The following EFCAB7 variants were observed in gnomAD, a reference collection of about 807,000 sequenced individuals.
EFCAB7 encodes the protein EF-hand calcium binding domain 7.
EFCAB7 carries 66 observed loss-of-function variants against 77.1 expected under a neutral mutation model. That is an observed-to-expected ratio of 0.86 (90% CI 0.70 to 1.05). EFCAB7 has a LOEUF of 1.05. EFCAB7 is among the 50% of genes least tolerant of loss of function. The probability of loss-of-function intolerance (pLI) is 0.00; values close to 1 mark genes in which losing one functional copy is unlikely to be tolerated. For missense variants in EFCAB7, 638 were observed against 730.5 expected (o/e 0.87, Z 1.46); for synonymous variants, 225 against 243.3 (o/e 0.92, Z 0.70).
At chr1:63,530,954 G>T (rs368113124) in intron 2 of EFCAB7, among the ~76,000 whole-genome samples, 3 of 152,186 alleles carry the variant, frequency 2.0e-5, no homozygotes, top group Admixed American at 6.5e-5. Context: ...ATCAAATCAA[G>T]GTAGTTAGTA....
chr1:63,579,042 T>C, the EFCAB7 span, among the ~76,000 whole-genome samples: 5 of 149,732 alleles, frequency 3.3e-5, no homozygotes, highest in South Asian at 1.0e-3. Context: ...TTATTTCAGA[T>C]AAAAAAAAAA....
chr1:63,573,056 G>A (rs1375264023), downstream of EFCAB7, among the ~76,000 whole-genome samples: 1 of 152,146 alleles, frequency 6.6e-6, no homozygotes, highest in East Asian at 1.9e-4. Context: ...GTACGTGCAG[G>A]TCACGGGGGA....
Position 63,557,238 on chromosome 1 carries a change from G to A in EFCAB7, c.1339G>A (p.Val447Ile). The A allele has an allele frequency of 6.2e-7, 1 of 1,603,306 alleles. No homozygotes were observed. The highest frequency in any genetic ancestry group is 1.1e-5 in the South Asian group (1 of 88,170). ...GAAATGTGATGAAGATGCTTGGGCTGTCTGCAGAGGTAAGCACTTTTCTTT... is the reference window on the plus strand; with the variant it reads ...GAAATGTGATGAAGATGCTTGGGCTATCTGCAGAGGTAAGCACTTTTCTTT... ...GEKCDEDAWA[V>I]CRENFDTKRN... The change falls in exon 10 of 14, where the codon GTC becomes ATC. Residue 447 changes from valine to isoleucine, a missense_variant. Coordinates refer to ENST00000371088, the MANE Select transcript of EFCAB7 (RefSeq NM_032437.4).
chr1:63,525,608 C>G lies in EFCAB7; in HGVS notation c.36C>G (p.Ser12=), dbSNP rs746562030. Residue 12 remains serine (S), a synonymous_variant, in exon 2 of 14, where the codon TCC becomes TCG. Transcript: ENST00000371088. ...AISPRSDATF[S]SQKSTPSESP... ...GTCCACGAAGCGATGCAACTTTCTC[C>G]AGTCAGAAATCAACACCTTCAGAGA... is the stretch of plus-strand genomic sequence containing the variant. 5 of 1,573,280 alleles carry G rather than the reference C, an allele frequency of 3.2e-6. No individual in the cohort carries two copies. The South Asian group carries it at 4.8e-5, about 15-fold the overall frequency.
chr1:63,549,224 T>G, intron 7 of EFCAB7: 1 of 405,526 alleles, frequency 2.5e-6, no homozygotes, highest in Non-Finnish European at 4.9e-6. Context: ...GACATGAGAT[T>G]AAGGTTTAAT....
downstream of EFCAB7, among the ~76,000 whole-genome samples, chr1:63,574,342 A>C (rs1299137219): frequency 6.6e-6 from 1 of 152,158 alleles, no homozygotes; most frequent in African/African-American, 2.4e-5. Context: ...TGAAATGATG[A>C]CAGAATAGAA....
In EFCAB7 at chr1:63,540,793, G is replaced by T. The variant is rs1356764643; in HGVS notation, c.805-5123G>T. Among the ~76,000 whole-genome samples, 5 of 152,108 alleles carry T rather than the reference G, an allele frequency of 3.3e-5. No homozygotes were observed. In the South Asian group the frequency reaches 8.3e-4, roughly 25 times the overall value. On this transcript the variant is annotated intron_variant, in intron 6 of 13. Coordinates refer to ENST00000371088, the MANE Select transcript of EFCAB7 (RefSeq NM_032437.4). The stretch of plus-strand genomic sequence containing the variant: ...ATACCCCAAAGGTGTGACAGTGCAG[G>T]TGATTAATGACTGACTGAAAGCTTG...
chr1:63,582,257 G>A, the EFCAB7 span, among the ~76,000 whole-genome samples: 1 of 152,230 alleles, frequency 6.6e-6, no homozygotes, highest in Non-Finnish European at 1.5e-5. Flanking sequence ...AGTGACATTA[G>A]TGATGCCGGA....
At position 63,537,416 on chromosome 1, in the gene EFCAB7, A is replaced by T. The variant is rs950513135; in HGVS notation, c.804+3200A>T. On this transcript the variant is annotated intron_variant, in intron 6 of 13. Coordinates refer to ENST00000371088, the MANE Select transcript of EFCAB7 (RefSeq NM_032437.4). Reference sequence around the variant, plus strand: ...ACATCACACACATGTTGTACAACCTATATATTATAAATGTCAAAACATATA... The same window carrying T: ...ACATCACACACATGTTGTACAACCTTTATATTATAAATGTCAAAACATATA... Among the ~76,000 whole-genome samples the T allele has an allele frequency of 3.9e-5, 6 of 152,164 alleles. 1 individual carries two copies. The highest frequency in any genetic ancestry group is 2.0e-4 in the Admixed American group (3 of 15,278).
intron 6 of EFCAB7, among the ~76,000 whole-genome samples, chr1:63,544,079 C>T (rs1478450761): frequency 6.6e-6 from 1 of 150,468 alleles, no homozygotes; most frequent in Non-Finnish European, 1.5e-5. Context: ...AAGCGATTCT[C>T]CTGCCTCAGC....
intron 1 of EFCAB7, 104 bp from the exon 2 acceptor site, chr1:63,525,468 A>T: frequency 1.1e-6 from 1 of 888,928 alleles, no homozygotes; most frequent in Non-Finnish European, 1.6e-6. Flanking sequence ...ATTTTCTTCT[A>T]TGTATAAAAT....
intron 10 of EFCAB7, among the ~76,000 whole-genome samples, chr1:63,557,683 C>T (rs935064747): frequency 9.9e-5 from 15 of 152,216 alleles, no homozygotes; most frequent in Admixed American, 4.6e-4. Context: ...CAGTGCTTTT[C>T]GTATTTGAGT....
At chr1:63,544,644 C>G (rs1174726916) in intron 6 of EFCAB7, among the ~76,000 whole-genome samples, 1 of 152,042 alleles carries the variant, frequency 6.6e-6, no homozygotes, top group African/African-American at 2.4e-5. Context: ...AACTCCTGAC[C>G]TTGTGATCCA....
chr1:63,532,463 A>G (rs1166061870), intron 3 of EFCAB7, among the ~76,000 whole-genome samples: 1 of 152,104 alleles, frequency 6.6e-6, no homozygotes, highest in African/African-American at 2.4e-5. Flanking sequence ...GTAAACTGAA[A>G]TTCAGCACAC....
At chr1:63,568,238 A>G (rs1647191463) in intron 11 of EFCAB7, 72 bp from the exon 12 acceptor site, 1 of 1,311,482 alleles carries the variant, frequency 7.6e-7, no homozygotes, top group African/African-American at 1.5e-5. Context: ...ATATCTTCTT[A>G]TATGGTAACA....
At chr1:63,583,448 C>T in the EFCAB7 span, among the ~76,000 whole-genome samples, 12 of 152,134 alleles carry the variant, frequency 7.9e-5, no homozygotes, top group African/African-American at 2.4e-4. Context: ...TGCCAGTAAG[C>T]GACCACCTTT....
At chr1:63,528,216 G>A (rs1233023050) in intron 2 of EFCAB7, among the ~76,000 whole-genome samples, 2 of 152,092 alleles carry the variant, frequency 1.3e-5, no homozygotes, top group African/African-American at 2.4e-5. Flanking sequence ...AAAAAAAGTG[G>A]TACATATACA....
In EFCAB7 at chr1:63,533,523, A is replaced by G. The variant is rs9436246; in HGVS notation, c.556A>G (p.Ser186Gly). Residue 186 changes from serine to glycine, a missense_variant, in exon 5 of 14, where the codon AGT (serine) becomes GGT (glycine). By Grantham distance (56) the Ser-to-Gly change is moderately conservative (BLOSUM62 0). Transcript: ENST00000371088. Reference protein sequence around the residue: ...KTTLEKLEVDSKLMRHQFGNH... With the variant: ...KTTLEKLEVDGKLMRHQFGNH... ...TACACTAGAAAAACTAGAGGTTGACAGTAAATTGATGCGTCACCAGTTTGG... is the reference window on the plus strand; with the variant it reads ...TACACTAGAAAAACTAGAGGTTGACGGTAAATTGATGCGTCACCAGTTTGG... The G allele has an allele frequency of 1.9e-3, 3,099 of 1,613,414 alleles. 48 individuals are homozygous for G. In the African/African-American group the frequency reaches 0.032, roughly 17 times the overall value.
At chr1:63,535,665 T>A (rs916694242) in intron 6 of EFCAB7, among the ~76,000 whole-genome samples, 32 of 152,092 alleles carry the variant, frequency 2.1e-4, no homozygotes, top group Admixed American at 7.2e-4. Context: ...TTGGAAAGAT[T>A]TAAATCGTAT....
Sources: allele counts gnomAD v4.1 joint callset (sites outside exome capture counted in the v4.1 genomes callset), GRCh38; gene constraint gnomAD v4.1.1; transcripts MANE v1.5; gene names NCBI Gene and HGNC (gene_info 2026-07-23, HGNC 2026-07-21).